Variants in RAB37 observed in about 807,000 individuals in gnomAD.
RAB37 encodes RAB37, member RAS oncogene family, also known as ras-related protein Rab-37.
In RAB37, 29 loss-of-function variants were observed where a neutral mutation model predicts 33.1. The observed-to-expected ratio is 0.88, with a 90% CI of 0.65 to 1.20. The LOEUF (loss-of-function observed/expected upper bound fraction) is 1.20. Ranked by LOEUF, RAB37 falls within the 50% of genes most tolerant of loss-of-function variation. The probability of loss-of-function intolerance (pLI) is 0.00; values close to 1 mark genes in which losing one functional copy is unlikely to be tolerated. For synonymous variants in RAB37, 128 were observed against 119.5 expected (o/e 1.07, Z -0.47); for missense variants, 299 against 301.1 (o/e 0.99, Z 0.05).
At chr17:74,687,998 T>C (rs1391563679) in intron 1 of RAB37, among the ~76,000 whole-genome samples, 1 of 152,218 alleles carries the variant, frequency 6.6e-6, no homozygotes, top group African/African-American at 2.4e-5. Flanking sequence ...TATGAAATTA[T>C]GGTGACAATG....
intron 1 of RAB37, among the ~76,000 whole-genome samples, chr17:74,678,786 G>C (rs1166367573): frequency 6.6e-6 from 1 of 151,972 alleles, no homozygotes; most frequent in Non-Finnish European, 1.5e-5. Context: ...TTTGTTCTCT[G>C]TCTCCCCTTA....
rs908303655 is a variant in RAB37 at position 74,746,040 on chromosome 17, C to A, written c.*629C>A. 3 of 152,418 alleles carry A rather than the reference C, an allele frequency of 2.0e-5. No homozygotes were observed. The highest frequency in any genetic ancestry group is 4.8e-5 in the African/African-American group (2 of 41,506). The allele number at this position is 152,418 out of a possible 1,614,324, so 9.4% of individuals were successfully genotyped here. The stretch of plus-strand genomic sequence containing the variant: ...GGCTATCTCTGGCCTTACTAACACC[C>A]CCCTGGAGGCATGCCCCTTTTCTCC... On this transcript the variant is annotated 3_prime_UTR_variant, in exon 9 of 9. Coordinates refer to ENST00000392613, the MANE Select transcript of RAB37 (RefSeq NM_001006638.3). This position sits in a 1 kb window ranked among gnomAD's most constrained non-coding sequence, Gnocchi z 5.2.
intron 1 of RAB37, among the ~76,000 whole-genome samples, chr17:74,708,317 C>T (rs867381547): frequency 1.3e-5 from 2 of 152,084 alleles, no homozygotes; most frequent in Admixed American, 6.5e-5. Flanking sequence ...ACCCATACAG[C>T]TTCAATGGAA....
In RAB37 at chr17:74,742,465, C is replaced by G. The variant is rs897111823; in HGVS notation, c.246+170C>G. The stretch of plus-strand genomic sequence containing the variant: ...TGACATCTGCAGAAAAAGCAGTTCC[C>G]AGGCACCCTCTCATCTATGAACAGC... On this transcript the variant is annotated intron_variant, in intron 3 of 8. Transcript: ENST00000392613. This position sits in a 1 kb window ranked among gnomAD's most constrained non-coding sequence, Gnocchi z 4.0. 6.6e-6 allele frequency among the ~76,000 whole-genome samples: 1 copy of G among 152,158 alleles called. No homozygotes were observed. Among genetic ancestry groups the G allele is most frequent in the Admixed American group, 6.5e-5 (1 of 15,276 alleles).
upstream of RAB37, among the ~76,000 whole-genome samples, chr17:74,735,060 A>AGAAAGAAG (rs1491135986): frequency 2.8e-5 from 4 of 144,108 alleles, no homozygotes; most frequent in Non-Finnish European, 6.1e-5. Context: ...AAAGAAAGAA[A>AGAAAGAAG]GAGAAAGAAA....
rs187941157 is a variant in RAB37, at chr17:74,676,074, G to C, written c.72+4416G>C. On this transcript the variant is annotated intron_variant, in intron 1 of 7. Transcript: ENST00000340415. This position sits in a 1 kb window ranked among gnomAD's most constrained non-coding sequence, Gnocchi z 4.1. ...ATCCAGGGCAATGGTCTGGGGTAGG[G>C]GTTCAGGAACAGCCCACGGATTGGG... Among the ~76,000 whole-genome samples, 87 of 152,240 alleles carry C rather than the reference G, an allele frequency of 5.7e-4. No individual in the cohort carries two copies. In the East Asian group the frequency reaches 0.014, roughly 25 times the overall value.
intron 1 of RAB37, among the ~76,000 whole-genome samples, chr17:74,698,168 G>A (rs2032687078): frequency 1.3e-5 from 2 of 152,334 alleles, no homozygotes; most frequent in Admixed American, 6.5e-5. Flanking sequence ...CAGGGCAGGC[G>A]GCGAATGCCA....
chr17:74,695,277 A>G lies in RAB37; in HGVS notation c.72+23619A>G. 1.9e-6 allele frequency: 3 copies of G among 1,612,744 alleles called. No individual in the cohort carries two copies. In the South Asian group the frequency reaches 3.3e-5, roughly 18 times the overall value. Reference sequence around the variant, plus strand: ...CTGCAGCAAAGGCGGGCTCCAGGTCAGAGAGGACGGCAGGAAGTGACGGTC... The same window carrying G: ...CTGCAGCAAAGGCGGGCTCCAGGTCGGAGAGGACGGCAGGAAGTGACGGTC... On this transcript the variant is annotated intron_variant, in intron 1 of 7. Coordinates refer to the RAB37 transcript ENST00000340415.
At chr17:74,721,567 GCATTACAGGTGCACGTCAC>G (rs2034241221) in intron 1 of RAB37, among the ~76,000 whole-genome samples, 1 of 151,892 alleles carries the variant, frequency 6.6e-6, no homozygotes, top group Admixed American at 6.6e-5. Context: ...CGAGTAGCTG[GCATTACAGGTGCACGTCAC>G]CATGCCCTGC....
At position 74,743,375 on chromosome 17, in the gene RAB37, G is replaced by A. The variant is rs551382116; in HGVS notation, c.366+35G>A. On this transcript the variant is annotated intron_variant, in intron 5 of 8. Transcript: ENST00000392613. The stretch of plus-strand genomic sequence containing the variant: ...CCCTTCCCCTGACTCCCACCCATAA[G>A]CAGCCAAGGCAAGGTCTATGCAGGC... The A allele has an allele frequency of 4.6e-5, 74 of 1,608,860 alleles. No homozygotes were observed. The South Asian group carries it at 6.8e-4, about 15-fold the overall frequency.
rs1054443346 is a variant in RAB37, at chr17:74,730,353, G to A, written c.183+987G>A. Among the ~76,000 whole-genome samples, 9 of 152,218 alleles carry A rather than the reference G, an allele frequency of 5.9e-5. No individual in the cohort carries two copies. Among genetic ancestry groups the A allele is most frequent in the African/African-American group, 2.2e-4 (9 of 41,468 alleles). ...AGTGCCACACTGATGGGAAGAGAGA[G>A]AGGAAAACTCAGAAAAATGGGCTTG... is the stretch of plus-strand genomic sequence containing the variant. On this transcript the variant is annotated intron_variant, in intron 2 of 7. Coordinates refer to the RAB37 transcript ENST00000340415. The surrounding 1 kb of genome is among the most constrained non-coding windows in gnomAD (Gnocchi z 4.4).
At chr17:74,674,177 T>C (rs2031770092) in intron 1 of RAB37, among the ~76,000 whole-genome samples, 1 of 152,012 alleles carries the variant, frequency 6.6e-6, no homozygotes, top group African/African-American at 2.4e-5. Context: ...CCCAGGCAAG[T>C]GATTCTCCCA....
At chr17:74,712,294 G>A (rs928245170) in intron 1 of RAB37, among the ~76,000 whole-genome samples, 10 of 151,890 alleles carry the variant, frequency 6.6e-5, no homozygotes, top group African/African-American at 1.7e-4. Context: ...TTTCCTCTAC[G>A]TCCCTGCCAG....
intron 1 of RAB37, among the ~76,000 whole-genome samples, chr17:74,740,540 G>T (rs2034587117): frequency 6.6e-6 from 1 of 152,210 alleles, no homozygotes; most frequent in Admixed American, 6.5e-5. Flanking sequence ...CTAGGAACTT[G>T]AATGAGGACA....
Position 74,692,293 on chromosome 17 carries a change from G to A in RAB37, c.72+20635G>A, listed in dbSNP as rs150000749. On this transcript the variant is annotated intron_variant, in intron 1 of 7. Coordinates refer to the RAB37 transcript ENST00000340415. ...TTTAAAACAGTCTGTGTCAAAAACA[G>A]TCTCACTCTGACCTGACCAGCTTAG... Among the ~76,000 whole-genome samples the A allele has an allele frequency of 4.6e-5, 7 of 152,252 alleles. No homozygotes were observed. The East Asian group carries it at 7.7e-4, about 17-fold the overall frequency.
chr17:74,713,781 G>A (rs867293923), intron 1 of RAB37, among the ~76,000 whole-genome samples: 17 of 151,124 alleles, frequency 1.1e-4, no homozygotes, highest in African/African-American at 3.9e-4. Context: ...CAGACTACAA[G>A]GCCAGGTACG....
Position 74,746,640 on chromosome 17 carries a change from C to G in RAB37, c.*1229C>G, listed in dbSNP as rs2034766274. 6.6e-6 allele frequency: 1 copy of G among 152,138 alleles called. No homozygotes were observed. The highest frequency in any genetic ancestry group is 2.4e-5 in the African/African-American group (1 of 41,392). 9.4% of individuals were successfully genotyped at this position (152,138 alleles called of 1,614,324 possible). On this transcript the variant is annotated 3_prime_UTR_variant, in exon 9 of 9. Coordinates refer to ENST00000392613, the MANE Select transcript of RAB37 (RefSeq NM_001006638.3). This position sits in a 1 kb window ranked among gnomAD's most constrained non-coding sequence, Gnocchi z 5.2. ...AGCCAGATAAGGAGAAATCCCTTTC[C>G]TAGGTTTGGAATGTGTTGTGAAAAA... is the stretch of plus-strand genomic sequence containing the variant.
chr17:74,692,822 G>A (rs887854438), intron 1 of RAB37, among the ~76,000 whole-genome samples: 4 of 152,200 alleles, frequency 2.6e-5, no homozygotes, highest in Non-Finnish European at 5.9e-5. Context: ...GGACTGCCCT[G>A]CCAGAATAGT....
intron 1 of RAB37, chr17:74,712,820 T>A: frequency 6.2e-7 from 1 of 1,613,902 alleles, no homozygotes; most frequent in Non-Finnish European, 8.5e-7. Context: ...CCAGGCCCGC[T>A]CACCTGAGAG....
Sources: gnomAD v4.1 joint callset for allele counts (sites outside exome capture counted in the v4.1 genomes callset) on GRCh38, gnomAD v4.1.1 for gene constraint, Gnocchi (gnomAD v3.1) non-coding constraint, MANE v1.5 for transcripts, NCBI Gene and HGNC (gene_info 2026-07-23, HGNC 2026-07-21) for gene names.